Variants in PPCDC observed in about 807,000 individuals in gnomAD.
PPCDC encodes phosphopantothenoylcysteine decarboxylase.
PPCDC carries 20 observed loss-of-function variants against 20.7 expected under a neutral mutation model. That is an observed-to-expected ratio of 0.97 (90% confidence interval 0.68 to 1.41). The LOEUF is 1.41. Among genes scored for constraint, PPCDC ranks in the 40% most tolerant of loss-of-function variants. The pLI is 0.00. For synonymous variants in PPCDC, 88 were observed against 100.3 expected, an observed-to-expected ratio of 0.88 and a Z score of 0.73; for missense variants, 246 against 263.8, an observed-to-expected ratio of 0.93 and a Z score of 0.47.
chr15:75,034,522 C>T (rs930633914), intron 2 of PPCDC, among the ~76,000 whole-genome samples: 1 of 152,178 alleles, frequency 6.6e-6, no homozygotes, highest in Non-Finnish European at 1.5e-5. Flanking sequence ...AGGAGGCCAC[C>T]TCCTTCACAG....
At position 75,048,656 on chromosome 15, in the gene PPCDC, A is replaced by G; in HGVS notation, c.464A>G (p.Gln155Arg). 1.2e-6 allele frequency: 2 copies of G among 1,614,228 alleles called. No individual in the cohort carries two copies. The highest frequency in any genetic ancestry group is 1.7e-6 in the Non-Finnish European group (2 of 1,180,030). ...CCGATCACAGCGCAGCAGGTAGACC[A>G]GCTCAAGGCCTTTGGCTATGTCGAG... ...EHPITAQQVD[Q>R]LKAFGYVEIP... Residue 155 changes from glutamine to arginine, a missense_variant, in exon 5 of 6, where the codon CAG becomes CGG. Gln to Arg is a conservative substitution (Grantham distance 43). Coordinates refer to ENST00000342932, the MANE Select transcript of PPCDC (RefSeq NM_021823.5).
Position 75,048,632 on chromosome 15 carries a change from C to T in PPCDC, c.440C>T (p.Pro147Leu), listed in dbSNP as rs757043560. ...ATGAACACCGCCATGTGGGAGCACC[C>T]GATCACAGCGCAGCAGGTAGACCAG... is the stretch of plus-strand genomic sequence containing the variant. ...PAMNTAMWEH[P>L]ITAQQVDQLK... is the part of the protein sequence containing the mutation. Residue 147 changes from proline to leucine, a missense_variant, in exon 5 of 6, where the codon CCG becomes CTG. Transcript: ENST00000342932. The T allele has an allele frequency of 1.2e-5, 20 of 1,614,118 alleles. No individual in the cohort carries two copies. Among genetic ancestry groups the T allele is most frequent in the African/African-American group, 2.7e-5 (2 of 74,940 alleles).
intron 2 of PPCDC, among the ~76,000 whole-genome samples, chr15:75,037,311 G>A (rs867645010): frequency 3.9e-5 from 6 of 152,150 alleles, no homozygotes; most frequent in African/African-American, 1.4e-4. Flanking sequence ...AAGGAAGAAT[G>A]TGGTCCAGAG....
At chr15:75,034,352 A>C (rs1243292340) in intron 2 of PPCDC, among the ~76,000 whole-genome samples, 1 of 152,108 alleles carries the variant, frequency 6.6e-6, no homozygotes, top group Non-Finnish European at 1.5e-5. Flanking sequence ...CCTGTACCCC[A>C]CCTATCTGTT....
At chr15:75,044,927 T>G (rs1463464998) in intron 4 of PPCDC, 1 of 194,084 alleles carries the variant, frequency 5.2e-6, no homozygotes, top group Non-Finnish European at 1.1e-5. Context: ...GCAATGTAAT[T>G]GGGGGTTCAC....
intron 3 of PPCDC, 31 bp from the exon 4 acceptor site, chr15:75,044,355 C>T: frequency 6.2e-7 from 1 of 1,610,554 alleles, no homozygotes; most frequent in Non-Finnish European, 8.5e-7. Context: ...CTGCTTCCTC[C>T]ACACTGACCC....
chr15:75,050,715 A>T lies in PPCDC; in HGVS notation c.*1480A>T, dbSNP rs1218432745. On this transcript the variant is annotated 3_prime_UTR_variant, in exon 6 of 6. Coordinates refer to ENST00000342932, the MANE Select transcript of PPCDC (RefSeq NM_021823.5). ...GCCTTAGGGTATGAAATAAACTATA[A>T]CTAAAATGGTAGCATCAAGAACCAA... is the stretch of plus-strand genomic sequence containing the variant. 6.6e-6 allele frequency: 1 copy of T among 152,244 alleles called. No individual in the cohort carries two copies. The highest frequency in any genetic ancestry group is 1.9e-4 in the East Asian group (1 of 5,202). The allele number at this position is 152,244 out of a possible 1,614,324, so 9.4% of individuals were successfully genotyped here.
intron 2 of PPCDC, among the ~76,000 whole-genome samples, chr15:75,042,233 C>T (rs1355220875): frequency 6.6e-6 from 1 of 152,146 alleles, no homozygotes; most frequent in Non-Finnish European, 1.5e-5. Flanking sequence ...GATAAATGTC[C>T]AGAGAAACAA....
intron 2 of PPCDC, among the ~76,000 whole-genome samples, chr15:75,032,030 T>G (rs961285717): frequency 6.6e-6 from 1 of 152,186 alleles, no homozygotes; most frequent in African/African-American, 2.4e-5. Context: ...AATCCCTCTT[T>G]AGGCAGATAA....
chr15:75,028,205 C>A, intron 1 of PPCDC, 42 bp from the exon 2 acceptor site: 1 of 1,379,264 alleles, frequency 7.3e-7, no homozygotes, highest in Non-Finnish European at 9.8e-7. Context: ...ACATTCTGGT[C>A]GACTGTATGA....
chr15:75,028,022 C>G (rs913247652), intron 1 of PPCDC: 3 of 355,658 alleles, frequency 8.4e-6, no homozygotes, highest in African/African-American at 6.4e-5. Context: ...CCTGAGCAGC[C>G]ACGCACCTGG....
At chr15:75,037,789 C>T (rs996595142) in intron 2 of PPCDC, among the ~76,000 whole-genome samples, 2 of 152,066 alleles carry the variant, frequency 1.3e-5, no homozygotes, top group Non-Finnish European at 2.9e-5. Context: ...TCTTTGATCT[C>T]ATTTTGTTCA....
chr15:75,028,144 C>A, intron 1 of PPCDC, 103 bp from the exon 2 acceptor site: 1 of 789,076 alleles, frequency 1.3e-6, no homozygotes, highest in Admixed American at 3.0e-5. Flanking sequence ...GACTGCTGAT[C>A]CCTTCCGCTG....
intron 2 of PPCDC, among the ~76,000 whole-genome samples, chr15:75,029,297 A>G (rs746370184): frequency 6.6e-6 from 1 of 152,050 alleles, no homozygotes; most frequent in Non-Finnish European, 1.5e-5. Flanking sequence ...CTTCTTTTAA[A>G]CTTATTTGAC....
intron 2 of PPCDC, among the ~76,000 whole-genome samples, chr15:75,042,344 C>T (rs2066162849): frequency 6.6e-6 from 1 of 152,138 alleles, no homozygotes; most frequent in Admixed American, 6.6e-5. Context: ...TTTGCCAGCT[C>T]GTTAGTCTAA....
In PPCDC at chr15:75,028,335, C is replaced by T; in HGVS notation, c.17C>T (p.Ser6Phe). 6.2e-7 allele frequency: 1 copy of T among 1,614,198 alleles called. No individual in the cohort carries two copies. Among genetic ancestry groups the T allele is most frequent in the East Asian group, 2.2e-5 (1 of 44,884 alleles). ...AGACCCCACATGGAACCAAAGGCCT[C>T]CTGTCCAGCTGCTGCACCCTTGATG... The part of the protein sequence containing the change: MEPKA[S>F]CPAAAPLMER... Residue 6 changes from serine to phenylalanine, a missense_variant, in exon 2 of 6, where the codon TCC (serine) becomes TTC (phenylalanine). Ser to Phe is a radical substitution (Grantham distance 155). Coordinates refer to ENST00000342932, the MANE Select transcript of PPCDC (RefSeq NM_021823.5).
rs575842461 is a variant in PPCDC at position 75,023,633 on chromosome 15, A to C, written c.-73+7A>C. The C allele has an allele frequency of 6.6e-6, 1 of 152,224 alleles. No homozygotes were observed. Among genetic ancestry groups the C allele is most frequent in the Non-Finnish European group, 1.5e-5 (1 of 68,068 alleles). 9.4% of individuals were successfully genotyped at this position (152,224 alleles called of 1,614,324 possible). ...CGAGACGCGCCTGGCGCGGGTGAGCAGTGGAAGGGGGCTGGGAAGCTGGGT... is the reference window on the plus strand; with the variant it reads ...CGAGACGCGCCTGGCGCGGGTGAGCCGTGGAAGGGGGCTGGGAAGCTGGGT... On this transcript the variant is annotated splice_region_variant and intron_variant, in intron 1 of 5. Coordinates refer to ENST00000342932, the MANE Select transcript of PPCDC (RefSeq NM_021823.5).
Position 75,049,331 on chromosome 15 carries a change from T to G in PPCDC, c.*96T>G. The G allele has an allele frequency of 8.4e-7, 1 of 1,196,476 alleles. No homozygotes were observed. Among genetic ancestry groups the G allele is most frequent in the Admixed American group, 2.0e-5 (1 of 50,556 alleles). The allele number at this position is 1,196,476 out of a possible 1,614,324, so 74.1% of individuals were successfully genotyped here. A position where few individuals can be genotyped will look rare whatever the true frequency, so the allele number is the denominator to read the frequency against. ...TTGGCAAAATAGGAGGATACCCTCATTTGCTGAATGGGGGACCTGCTCTGA... is the reference window on the plus strand; with the variant it reads ...TTGGCAAAATAGGAGGATACCCTCAGTTGCTGAATGGGGGACCTGCTCTGA... On this transcript the variant is annotated 3_prime_UTR_variant, in exon 6 of 6. Coordinates refer to ENST00000342932, the MANE Select transcript of PPCDC (RefSeq NM_021823.5).
chr15:75,033,655 T>C (rs2141481540), intron 2 of PPCDC, among the ~76,000 whole-genome samples: 1 of 151,672 alleles, frequency 6.6e-6, no homozygotes, highest in East Asian at 1.9e-4. Flanking sequence ...GGTTTGAGGA[T>C]TTCTCTTTTT....
Sources: gnomAD v4.1 joint callset for allele counts (sites outside exome capture counted in the v4.1 genomes callset) on GRCh38, gnomAD v4.1.1 for gene constraint, MANE v1.5 for transcripts, NCBI Gene and HGNC (gene_info 2026-07-23, HGNC 2026-07-21) for gene names.